The following FUT8 variants were observed in gnomAD, a reference collection of about 807,000 sequenced individuals.
FUT8 encodes the protein fucosyltransferase 8, also known as alpha-(1,6)-fucosyltransferase.
Under a neutral mutation model 71.3 loss-of-function variants are expected in FUT8, and 29 were observed. The observed-to-expected ratio is 0.41, with a 90% CI of 0.30 to 0.55. The LOEUF (loss-of-function observed/expected upper bound fraction) is 0.55, where lower values mean the gene tolerates loss of function less well. FUT8 is among the 20% of genes least tolerant of loss of function. FUT8 has a pLI of 0.34. For synonymous variants in FUT8, 254 were observed against 239.3 expected (o/e 1.06, Z -0.57); for missense variants, 544 against 702.1 (o/e 0.77, Z 2.55).
chr14:65,461,736 A>ATT (rs1719302720), intron 2 of FUT8, among the ~76,000 whole-genome samples: 1 of 152,214 alleles, frequency 6.6e-6, no homozygotes, highest in African/African-American at 2.4e-5. Flanking sequence ...AAAGCCAATC[A>ATT]CTGAGACAAT....
chr14:65,629,174 C>T (rs563909011), intron 5 of FUT8, among the ~76,000 whole-genome samples: 18 of 152,320 alleles, frequency 1.2e-4, no homozygotes, highest in African/African-American at 4.3e-4. Flanking sequence ...TGTTAATTTA[C>T]TCATTTGTTT....
intron 7 of FUT8, among the ~76,000 whole-genome samples, chr14:65,677,114 TTGTGTGTGTGTGTGTG>T (rs1555383258): frequency 7.3e-5 from 8 of 110,216 alleles, no homozygotes; most frequent in African/African-American, 2.6e-4. Flanking sequence ...AAAGACATAT[TTGTGTGTGTGTGTGTG>T]TGTGTGTGTG....
At chr14:65,600,573 T>C (rs572057937) in intron 3 of FUT8, among the ~76,000 whole-genome samples, 4 of 152,150 alleles carry the variant, frequency 2.6e-5, no homozygotes, top group Non-Finnish European at 5.9e-5. Flanking sequence ...CTCCATGGGA[T>C]GAATATTTTG....
intron 2 of FUT8, among the ~76,000 whole-genome samples, chr14:65,492,941 C>T (rs1184026645): frequency 6.6e-6 from 1 of 151,992 alleles, no homozygotes; most frequent in African/African-American, 2.4e-5. Context: ...TCTCTCCTCC[C>T]CTTTATCTCC....
chr14:65,370,948 G>A, the FUT8 span, among the ~76,000 whole-genome samples: 1 of 152,216 alleles, frequency 6.6e-6, no homozygotes, highest in South Asian at 2.1e-4. Flanking sequence ...TTTCGGGGCA[G>A]CAAACTGTGG....
Position 65,597,487 on chromosome 14 carries a change from G to T in FUT8, c.204-18491G>T, listed in dbSNP as rs868521558. Reference sequence around the variant, plus strand: ...AAATACAAAAAATTAGCCGGGCATGGTGGTGGGCACCTGTAGTCCTAGCTA... The same window carrying T: ...AAATACAAAAAATTAGCCGGGCATGTTGGTGGGCACCTGTAGTCCTAGCTA... On this transcript the variant is annotated intron_variant, in intron 3 of 10. Transcript: ENST00000673929. Among the ~76,000 whole-genome samples the T allele has an allele frequency of 2.6e-5, 4 of 152,260 alleles. No homozygotes were observed. In the Middle Eastern group the frequency reaches 0.01, roughly 388 times the overall value.
intron 2 of FUT8, among the ~76,000 whole-genome samples, chr14:65,502,029 G>A (rs1253268651): frequency 6.6e-6 from 1 of 151,650 alleles, no homozygotes; most frequent in East Asian, 1.9e-4. Context: ...TCTCACCTCA[G>A]CCACCCAAGT....
chr14:65,640,906 A>C (rs1890793627), intron 6 of FUT8, among the ~76,000 whole-genome samples: 5 of 152,160 alleles, frequency 3.3e-5, no homozygotes, highest in Non-Finnish European at 7.4e-5. Flanking sequence ...GAAAAATAGA[A>C]CCAGATGTTT....
intron 9 of FUT8, 112 bp downstream of exon 9, chr14:65,724,435 G>T (rs529939487): frequency 1.4e-4 from 93 of 670,648 alleles, no homozygotes; most frequent in Non-Finnish European, 4.9e-5. Context: ...AATTATTAGG[G>T]TTTTAAAAAT....
At chr14:65,447,962 T>C (rs781108491) in intron 1 of FUT8, among the ~76,000 whole-genome samples, 35 of 152,216 alleles carry the variant, frequency 2.3e-4, no homozygotes, top group Non-Finnish European at 4.0e-4. Flanking sequence ...CCTCATATCC[T>C]ACCTAAATTA....
intron 7 of FUT8, among the ~76,000 whole-genome samples, chr14:65,711,065 C>T (rs1170999213): frequency 6.6e-6 from 1 of 152,176 alleles, no homozygotes; most frequent in Non-Finnish European, 1.5e-5. Flanking sequence ...ACCCAAACAC[C>T]TCCCACCAGG....
At chr14:65,509,162 C>G (rs1040962021) in intron 2 of FUT8, among the ~76,000 whole-genome samples, 11 of 152,092 alleles carry the variant, frequency 7.2e-5, no homozygotes, top group African/African-American at 2.7e-4. Flanking sequence ...AGTTTCCAAG[C>G]ACCATTTATT....
At chr14:65,692,353 G>A (rs1893670733) in intron 7 of FUT8, among the ~76,000 whole-genome samples, 1 of 149,526 alleles carries the variant, frequency 6.7e-6, no homozygotes, top group African/African-American at 2.5e-5. Flanking sequence ...TGGCCGGGCG[G>A]GGGGCTGACC....
intron 2 of FUT8, among the ~76,000 whole-genome samples, chr14:65,459,963 T>C (rs183661939): frequency 5.3e-4 from 80 of 152,346 alleles, no homozygotes; most frequent in African/African-American, 1.8e-3. Flanking sequence ...TCCAAACATA[T>C]AAGTATTTAC....
intron 1 of FUT8, among the ~76,000 whole-genome samples, chr14:65,436,384 A>C (rs202239005): frequency 1.3e-5 from 2 of 152,288 alleles, no homozygotes; most frequent in East Asian, 3.9e-4. Flanking sequence ...TAATCCCAGC[A>C]CTTTGGGAGG....
intron 3 of FUT8, 75 bp from the exon 4 acceptor site, chr14:65,615,903 G>A (rs770334257): frequency 2.5e-4 from 255 of 1,009,366 alleles, no homozygotes; most frequent in Non-Finnish European, 3.6e-4. Context: ...CAGTATAAAT[G>A]TTTTAGAAAG....
At chr14:65,729,557 C>A (rs1326254141) in intron 9 of FUT8, among the ~76,000 whole-genome samples, 3 of 148,712 alleles carry the variant, frequency 2.0e-5, no homozygotes, top group African/African-American at 7.5e-5. Flanking sequence ...AATACAGGGT[C>A]CAGGCTGGAG....
chr14:65,724,105 A>G, intron 8 of FUT8, 42 bp from the exon 9 acceptor site: 1 of 1,426,516 alleles, frequency 7.0e-7, no homozygotes, highest in South Asian at 1.7e-5. Context: ...CAAAGCACCC[A>G]GTGTCAGTAC....
intron 2 of FUT8, among the ~76,000 whole-genome samples, chr14:65,547,174 A>G (rs1885030162): frequency 6.7e-6 from 1 of 149,720 alleles, no homozygotes; most frequent in African/African-American, 2.5e-5. Context: ...TTTTAATTTT[A>G]TTGATCACTT....
Sources: allele counts gnomAD v4.1 joint callset (sites outside exome capture counted in the v4.1 genomes callset), GRCh38; gene constraint gnomAD v4.1.1; transcripts MANE v1.5; gene names NCBI Gene and HGNC (gene_info 2026-07-23, HGNC 2026-07-21).